The following GAP43 variants were observed in gnomAD, a reference collection of about 807,000 sequenced individuals.
GAP43 encodes neuromodulin.
A neutral mutation model predicts 18.6 loss-of-function variants in GAP43; 6 were observed. The ratio of observed to expected loss-of-function variants is 0.32; its 90% CI spans 0.18 to 0.64. The LOEUF is 0.64. Ranked by LOEUF, GAP43 falls within the 30% of genes least tolerant of loss-of-function variation. The pLI is 0.78. For synonymous variants in GAP43, 115 were observed against 111.4 expected (o/e 1.03, Z -0.20); for missense variants, 292 against 295.5 (o/e 0.99, Z 0.09).
intron 2 of GAP43, among the ~76,000 whole-genome samples, chr3:115,714,873 G>GCACACACACA (rs111292409): frequency 1.3e-3 from 192 of 150,488 alleles, no homozygotes; most frequent in African/African-American, 4.4e-3. Context: ...GTGTGCGCGT[G>GCACACACACA]CACACACACA....
chr3:115,666,315 A>C (rs1708732278), intron 1 of GAP43, among the ~76,000 whole-genome samples: 1 of 152,178 alleles, frequency 6.6e-6, no homozygotes, highest in Non-Finnish European at 1.5e-5. Context: ...TCTTTCTTTG[A>C]GAATAGATAT....
At chr3:115,626,219 C>G (rs17760034) in intron 1 of GAP43, among the ~76,000 whole-genome samples, 7,764 of 152,234 alleles carry the variant, frequency 0.051, 213 homozygotes, top group Middle Eastern at 0.075. Context: ...TATTCATCAT[C>G]GTAGTACTTA....
intron 1 of GAP43, among the ~76,000 whole-genome samples, chr3:115,643,482 C>T (rs900792580): frequency 6.6e-6 from 1 of 152,056 alleles, no homozygotes; most frequent in Non-Finnish European, 1.5e-5. Flanking sequence ...TGATGTAACC[C>T]TGTAGTCAGA....
chr3:115,641,012 C>T (rs1708387810), intron 1 of GAP43, among the ~76,000 whole-genome samples: 3 of 131,832 alleles, frequency 2.3e-5, no homozygotes, highest in African/African-American at 2.8e-5. Flanking sequence ...TTCTCTCTTT[C>T]TTGCTTTATT....
intron 2 of GAP43, among the ~76,000 whole-genome samples, chr3:115,679,483 G>A (rs149694466): frequency 1.3e-4 from 20 of 152,176 alleles, no homozygotes; most frequent in African/African-American, 4.3e-4. Flanking sequence ...AGCTTTTTAC[G>A]TGCCTGGGAC....
At chr3:115,664,147 C>G (rs1016162913) in intron 1 of GAP43, among the ~76,000 whole-genome samples, 1 of 151,476 alleles carries the variant, frequency 6.6e-6, no homozygotes, top group Non-Finnish European at 1.5e-5. Flanking sequence ...GTGTATATAT[C>G]ATATAAAAGT....
chr3:115,659,638 G>T (rs2107479976), intron 1 of GAP43, among the ~76,000 whole-genome samples: 1 of 152,222 alleles, frequency 6.6e-6, no homozygotes, highest in South Asian at 2.1e-4. Context: ...GAAAAGGGAA[G>T]AGGGGCAAGG....
At chr3:115,676,737 A>G in intron 2 of GAP43, 127 bp downstream of exon 2, 1 of 1,037,538 alleles carries the variant, frequency 9.6e-7, no homozygotes, top group Non-Finnish European at 1.3e-6. Flanking sequence ...AAATCAAGGG[A>G]AGCTGTGCTT....
At chr3:115,670,448 G>A (rs1024892831) in intron 1 of GAP43, among the ~76,000 whole-genome samples, 14 of 152,016 alleles carry the variant, frequency 9.2e-5, no homozygotes, top group South Asian at 4.2e-4. Flanking sequence ...CACCTGCACC[G>A]AAACCGGCAG....
intron 1 of GAP43, among the ~76,000 whole-genome samples, chr3:115,661,607 G>A (rs1708659944): frequency 6.6e-6 from 1 of 152,064 alleles, no homozygotes; most frequent in Non-Finnish European, 1.5e-5. Context: ...TCCTGTCTCA[G>A]CCTCCCGAGT....
At chr3:115,675,734 G>T (rs1195683496) in intron 1 of GAP43, among the ~76,000 whole-genome samples, 4 of 126,970 alleles carry the variant, frequency 3.2e-5, no homozygotes, top group Non-Finnish European at 4.7e-5. Flanking sequence ...ACTCCAGCCT[G>T]GGTGACAGAC....
chr3:115,647,759 A>AAAAC (rs370738299), intron 1 of GAP43, among the ~76,000 whole-genome samples: 22 of 69,442 alleles, frequency 3.2e-4, no homozygotes, highest in South Asian at 7.2e-4. Flanking sequence ...ACAAAAAAAC[A>AAAAC]AAAAAAAAAA....
intron 1 of GAP43, among the ~76,000 whole-genome samples, chr3:115,631,048 C>A (rs1432811935): frequency 1.3e-5 from 2 of 152,162 alleles, no homozygotes; most frequent in Non-Finnish European, 2.9e-5. Flanking sequence ...AAGCTCAGCT[C>A]TATTGGTCCC....
At chr3:115,627,114 TTTTC>T in intron 1 of GAP43, among the ~76,000 whole-genome samples, 1 of 135,986 alleles carries the variant, frequency 7.4e-6, no homozygotes, top group African/African-American at 2.7e-5. Flanking sequence ...TTGAAGGGCA[TTTTC>T]TTTCTTTTTT....
chr3:115,683,165 A>G (rs1247421296), intron 2 of GAP43, among the ~76,000 whole-genome samples: 8 of 150,636 alleles, frequency 5.3e-5, no homozygotes, highest in African/African-American at 1.2e-4. Context: ...ACACACACAC[A>G]CACACACACA....
At chr3:115,707,230 C>T (rs1391525250) in intron 2 of GAP43, among the ~76,000 whole-genome samples, 1 of 152,014 alleles carries the variant, frequency 6.6e-6, no homozygotes, top group African/African-American at 2.4e-5. Context: ...AAAAATTAGG[C>T]AGTGAGAGGT....
intron 1 of GAP43, among the ~76,000 whole-genome samples, chr3:115,640,769 G>A (rs1441192349): frequency 6.6e-6 from 1 of 152,000 alleles, no homozygotes; most frequent in Non-Finnish European, 1.5e-5. Flanking sequence ...GTCTATGTTG[G>A]CACAAGAAAA....
rs569200035 is a variant in GAP43 at position 115,702,867 on chromosome 3, G to C, written c.629-17927G>C. ...AGGGGAAAGGTCTATATTTGCCCTT[G>C]TTACAGGTAAAGAAGGGGATCATCT... On this transcript the variant is annotated intron_variant, in intron 2 of 2. Transcript: ENST00000305124. Among the ~76,000 whole-genome samples the C allele has an allele frequency of 5.9e-5, 9 of 152,258 alleles. 1 individual carries two copies. The South Asian group carries it at 1.9e-3, about 32-fold the overall frequency.
intron 1 of GAP43, among the ~76,000 whole-genome samples, chr3:115,626,970 C>T (rs1050545884): frequency 6.6e-6 from 1 of 151,736 alleles, no homozygotes; most frequent in African/African-American, 2.4e-5. Flanking sequence ...GAGCCACACC[C>T]AGTGTCACTC....
Sources: gnomAD v4.1 joint callset for allele counts (sites outside exome capture counted in the v4.1 genomes callset) on GRCh38, gnomAD v4.1.1 for gene constraint, MANE v1.5 for transcripts, NCBI Gene and HGNC (gene_info 2026-07-23, HGNC 2026-07-21) for gene names.